SBF2: variants seen among roughly 807,000 people sequenced by gnomAD.
SBF2 encodes the protein myotubularin-related protein 13.
In SBF2, 112 loss-of-function variants were observed where a neutral mutation model predicts 225.2. The observed-to-expected ratio is 0.50, with a 90% CI of 0.43 to 0.58. The LOEUF (loss-of-function observed/expected upper bound fraction) is 0.58, where lower values mean the gene tolerates loss of function less well. Among genes scored for constraint, SBF2 ranks in the 20% least tolerant of loss-of-function variants. SBF2 has a pLI of 0.00. For missense variants in SBF2, 1,996 were observed against 2,206.2 expected, an observed-to-expected ratio of 0.90 and a Z score of 1.91; for synonymous variants, 763 against 773.3, an observed-to-expected ratio of 0.99 and a Z score of 0.22.
At chr11:9,811,518 G>C (rs892198374) in intron 30 of SBF2, among the ~76,000 whole-genome samples, 2 of 152,136 alleles carry the variant, frequency 1.3e-5, no homozygotes, top group African/African-American at 4.8e-5. Context: ...GGAGGGGTCC[G>C]TTTGGAGCTG....
intron 1 of SBF2, among the ~76,000 whole-genome samples, chr11:10,268,803 G>C (rs1962226389): frequency 6.6e-6 from 1 of 152,136 alleles, no homozygotes; most frequent in African/African-American, 2.4e-5. Flanking sequence ...AAATGTAAAC[G>C]GAAAGACCTT....
chr11:10,107,758 T>C (rs1367870327), intron 2 of SBF2, among the ~76,000 whole-genome samples: 3 of 152,238 alleles, frequency 2.0e-5, no homozygotes, highest in Admixed American at 6.5e-5. Context: ...ATATTTGACA[T>C]TGGATTTACG....
chr11:10,219,917 T>C, intron 1 of SBF2, among the ~76,000 whole-genome samples: 1 of 152,344 alleles, frequency 6.6e-6, no homozygotes, highest in South Asian at 2.1e-4. Context: ...TCTTCTTGTC[T>C]TCTTCTGAGC....
chr11:9,804,733 A>G (rs1853695301), intron 32 of SBF2, among the ~76,000 whole-genome samples: 1 of 152,244 alleles, frequency 6.6e-6, no homozygotes, highest in African/African-American at 2.4e-5. Context: ...TTCACTGAAC[A>G]TAGTGATCAC....
At chr11:9,935,994 G>T (rs1864868857) in intron 16 of SBF2, among the ~76,000 whole-genome samples, 1 of 152,110 alleles carries the variant, frequency 6.6e-6, no homozygotes, top group Admixed American at 6.5e-5. Context: ...CACAGCAAAA[G>T]AAACTACCAT....
rs184173934 is a variant in SBF2 at position 9,849,729 on chromosome 11, G to A, written c.2806+294C>T. Reference sequence around the variant, plus strand: ...AAACCAGCAAGGGATATATTCAGCAGTTAGAGTGAATATCTCTAGGGTATA... The same window carrying A: ...AAACCAGCAAGGGATATATTCAGCAATTAGAGTGAATATCTCTAGGGTATA... On this transcript the variant is annotated intron_variant, in intron 22 of 39. Transcript: ENST00000256190. Among the ~76,000 whole-genome samples, 167 of 152,320 alleles carry A rather than the reference G, an allele frequency of 1.1e-3. 6 individuals carry two copies. Among genetic ancestry groups the A allele is most frequent in the Admixed American group, 0.01 (155 of 15,300 alleles).
intron 1 of SBF2, among the ~76,000 whole-genome samples, chr11:10,268,303 C>A (rs1962180182): frequency 6.6e-6 from 1 of 151,972 alleles, no homozygotes; most frequent in Non-Finnish European, 1.5e-5. Flanking sequence ...TTTCTTTAAA[C>A]AAGAATCTTC....
intron 2 of SBF2, among the ~76,000 whole-genome samples, chr11:10,117,464 T>C (rs1055637083): frequency 1.4e-5 from 2 of 146,388 alleles, no homozygotes; most frequent in African/African-American, 5.0e-5. Context: ...AAAAAAAAGA[T>C]ATGTATCAAA....
intron 16 of SBF2, among the ~76,000 whole-genome samples, chr11:9,899,642 A>G (rs912297784): frequency 6.6e-6 from 1 of 152,146 alleles, no homozygotes; most frequent in Non-Finnish European, 1.5e-5. Flanking sequence ...CAAGTACACT[A>G]AAAGGGAAAC....
chr11:9,972,543 C>T (rs777737410), intron 13 of SBF2, among the ~76,000 whole-genome samples: 11 of 152,128 alleles, frequency 7.2e-5, no homozygotes, highest in Non-Finnish European at 1.5e-4. Context: ...TGCAGTGGCG[C>T]GATCTCTGCT....
At chr11:10,029,670 A>G in intron 5 of SBF2, 95 bp downstream of exon 5, 1 of 926,444 alleles carries the variant, frequency 1.1e-6, no homozygotes, top group Non-Finnish European at 1.8e-6. Context: ...AAATATTTAA[A>G]GAATTATTTC....
At chr11:10,060,844 C>T (rs747132801) in intron 2 of SBF2, among the ~76,000 whole-genome samples, 6 of 152,108 alleles carry the variant, frequency 3.9e-5, no homozygotes, top group South Asian at 2.1e-4. Context: ...CTGGCTAACA[C>T]GGTTAAACCC....
intron 6 of SBF2, among the ~76,000 whole-genome samples, chr11:10,022,424 A>T (rs1362827073): frequency 3.3e-5 from 5 of 152,150 alleles, no homozygotes; most frequent in African/African-American, 1.2e-4. Flanking sequence ...TATGCACATA[A>T]AGGACATAAA....
At chr11:9,852,573 G>A (rs1476289725) in intron 21 of SBF2, 103 bp downstream of exon 21, 1 of 829,704 alleles carries the variant, frequency 1.2e-6, no homozygotes, top group East Asian at 2.4e-5. Flanking sequence ...TGGAGTTAGT[G>A]TCTGTCAAAG....
In SBF2 at chr11:10,084,970, G is replaced by C. The variant is rs376468582; in HGVS notation, c.142-41989C>G. On this transcript the variant is annotated intron_variant, in intron 2 of 39. Coordinates refer to ENST00000256190, the MANE Select transcript of SBF2 (RefSeq NM_030962.4). ...GCGGGGGTAGCATGGTAAAAAATTT[G>C]TTAATGGGTGCAATATATATTAGTT... 1.3e-5 allele frequency among the ~76,000 whole-genome samples: 2 copies of C among 152,080 alleles called. 1 individual carries two copies. The highest frequency in any genetic ancestry group is 4.8e-5 in the African/African-American group (2 of 41,410).
At chr11:10,032,464 C>T (rs1362253957) in intron 3 of SBF2, among the ~76,000 whole-genome samples, 1 of 152,156 alleles carries the variant, frequency 6.6e-6, no homozygotes, top group Admixed American at 6.5e-5. Context: ...GCTCTATGCG[C>T]TTCTGTGTTA....
At chr11:9,862,335 T>G (rs1356707908) in intron 17 of SBF2, among the ~76,000 whole-genome samples, 2 of 152,204 alleles carry the variant, frequency 1.3e-5, no homozygotes, top group Non-Finnish European at 2.9e-5. Flanking sequence ...ATCACTTTAT[T>G]CTGCCTAGAC....
chr11:9,995,149 A>T (rs1394056349), intron 9 of SBF2, among the ~76,000 whole-genome samples: 1 of 152,242 alleles, frequency 6.6e-6, no homozygotes, highest in African/African-American at 2.4e-5. Context: ...AAAAATATAT[A>T]AAGTGCAATA....
chr11:10,266,658 T>A (rs115096591), intron 1 of SBF2, among the ~76,000 whole-genome samples: 1 of 152,224 alleles, frequency 6.6e-6, no homozygotes, highest in Admixed American at 6.5e-5. Context: ...CTTGATTAGT[T>A]ATTTCCTAAC....
Sources: allele counts gnomAD v4.1 joint callset (sites outside exome capture counted in the v4.1 genomes callset), GRCh38; gene constraint gnomAD v4.1.1; transcripts MANE v1.5; gene names NCBI Gene and HGNC (gene_info 2026-07-23, HGNC 2026-07-21).